The following TMEM163 variants were observed in gnomAD, a reference collection of about 807,000 sequenced individuals.
The protein encoded by TMEM163 is transmembrane protein 163.
TMEM163 carries 17 observed loss-of-function variants against 29.3 expected under a neutral mutation model. The observed-to-expected ratio is 0.58, with a 90% CI of 0.40 to 0.87. TMEM163 has a LOEUF of 0.87. TMEM163 is among the 40% of genes least tolerant of loss of function. The probability of loss-of-function intolerance (pLI) is 0.00; values close to 1 mark genes in which losing one functional copy is unlikely to be tolerated. For synonymous variants in TMEM163, 157 were observed against 160.6 expected, an observed-to-expected ratio of 0.98 and a Z score of 0.17; for missense variants, 303 against 381.5, an observed-to-expected ratio of 0.79 and a Z score of 1.71.
chr2:134,585,665 C>T (rs1681802305), intron 2 of TMEM163, among the ~76,000 whole-genome samples: 1 of 151,796 alleles, frequency 6.6e-6, no homozygotes, highest in Non-Finnish European at 1.5e-5. Context: ...TGGCGTGAAC[C>T]CGGGAGGCGG....
intron 2 of TMEM163, among the ~76,000 whole-genome samples, chr2:134,580,648 C>T (rs1452169966): frequency 6.6e-6 from 1 of 152,134 alleles, no homozygotes; most frequent in Admixed American, 6.5e-5. Context: ...GCAGTGGCTG[C>T]CACCTGGAAT....
At position 134,554,552 on chromosome 2, in the gene TMEM163, G is replaced by A. The variant is rs533510193; in HGVS notation, c.323-2461C>T. ...CACAGCTAGAAAAATCACTTCCCCC[G>A]ACTCGCTATGGCAGAAGAGCACCTG... is the stretch of plus-strand genomic sequence containing the variant. On this transcript the variant is annotated intron_variant, in intron 2 of 7. Transcript: ENST00000281924. 9.3e-5 allele frequency among the ~76,000 whole-genome samples: 14 copies of A among 150,992 alleles called. No individual in the cohort carries two copies. In the East Asian group the frequency reaches 1.6e-3, roughly 17 times the overall value.
chr2:134,646,211 A>C (rs1574305951), intron 2 of TMEM163, among the ~76,000 whole-genome samples: 1 of 151,120 alleles, frequency 6.6e-6, no homozygotes, highest in Admixed American at 6.6e-5. Context: ...CAGCCTCCCA[A>C]GTAGCTGGGA....
intron 4 of TMEM163, among the ~76,000 whole-genome samples, chr2:134,545,538 T>G (rs1167911883): frequency 2.6e-5 from 4 of 151,940 alleles, no homozygotes; most frequent in Admixed American, 2.6e-4. Flanking sequence ...CACACCTCCC[T>G]CCTGGCACTG....
intron 2 of TMEM163, among the ~76,000 whole-genome samples, chr2:134,554,622 A>G (rs1341720263): frequency 1.3e-5 from 2 of 152,070 alleles, no homozygotes; most frequent in African/African-American, 4.8e-5. Flanking sequence ...TTTCAAGTAG[A>G]CATTCACTTG....
At chr2:134,716,876 C>T (rs1002585793) in intron 1 of TMEM163, among the ~76,000 whole-genome samples, 3 of 152,196 alleles carry the variant, frequency 2.0e-5, no homozygotes, top group Non-Finnish European at 4.4e-5. Context: ...GTCACATTGA[C>T]GTTCAGCTCT....
intron 2 of TMEM163, among the ~76,000 whole-genome samples, chr2:134,711,178 C>T (rs1230122242): frequency 6.6e-6 from 1 of 152,132 alleles, no homozygotes; most frequent in Non-Finnish European, 1.5e-5. Context: ...AGTCTGGCGC[C>T]ATATAAATGA....
intron 2 of TMEM163, among the ~76,000 whole-genome samples, chr2:134,615,403 AT>A (rs1682588425): frequency 6.6e-6 from 1 of 152,232 alleles, no homozygotes; most frequent in Admixed American, 6.5e-5. Context: ...TGGATAGCTC[AT>A]TTTGAAAAGG....
intron 4 of TMEM163, among the ~76,000 whole-genome samples, chr2:134,545,696 C>T (rs1680764299): frequency 6.6e-6 from 1 of 152,174 alleles, no homozygotes; most frequent in South Asian, 2.1e-4. Flanking sequence ...CCTGGCCTCA[C>T]CCATGTCCCT....
At chr2:134,598,920 CAAAA>C (rs796382637) in intron 2 of TMEM163, among the ~76,000 whole-genome samples, 1 of 65,922 alleles carries the variant, frequency 1.5e-5, no homozygotes, top group Admixed American at 1.7e-4. Flanking sequence ...GACTCTATCT[CAAAA>C]AAAAAAAAAA....
At position 134,562,743 on chromosome 2, in the gene TMEM163, T is replaced by G. The variant is rs560121001; in HGVS notation, c.323-10652A>C. ...TCACTCAAAGAATACAAGTTAAACA[T>G]GGTGGAATACAGCCCTTTTGTCCTC... On this transcript the variant is annotated intron_variant, in intron 2 of 7. Transcript: ENST00000281924. 2.6e-5 allele frequency among the ~76,000 whole-genome samples: 4 copies of G among 152,316 alleles called. 1 individual carries two copies. In the South Asian group the frequency reaches 8.3e-4, roughly 32 times the overall value.
chr2:134,545,024 G>A (rs192648043), intron 4 of TMEM163, among the ~76,000 whole-genome samples: 4 of 151,986 alleles, frequency 2.6e-5, no homozygotes, highest in African/African-American at 7.3e-5. Flanking sequence ...AGTCTCCTTT[G>A]TATCCTTTAT....
chr2:134,595,262 A>G (rs1054846779), intron 2 of TMEM163, among the ~76,000 whole-genome samples: 4 of 148,756 alleles, frequency 2.7e-5, no homozygotes, highest in Non-Finnish European at 5.9e-5. Context: ...ATCCCTCCCC[A>G]CTCCCCCCAA....
Position 134,595,278 on chromosome 2 carries a change from C to A in TMEM163, c.323-43187G>T, listed in dbSNP as rs1211270151. Among the ~76,000 whole-genome samples the A allele has an allele frequency of 3.9e-5, 6 of 151,960 alleles. No individual in the cohort carries two copies. In the East Asian group the frequency reaches 9.7e-4, roughly 25 times the overall value. On this transcript the variant is annotated intron_variant, in intron 2 of 7. Coordinates refer to ENST00000281924, the MANE Select transcript of TMEM163 (RefSeq NM_030923.5). Reference sequence around the variant, plus strand: ...TCCCTCCCCACTCCCCCCAACCCCACAACAGGCCCTGGTGTGTGATGTTCC... The same window carrying A: ...TCCCTCCCCACTCCCCCCAACCCCAAAACAGGCCCTGGTGTGTGATGTTCC...
intron 2 of TMEM163, among the ~76,000 whole-genome samples, chr2:134,656,673 G>C (rs1182614863): frequency 6.6e-6 from 1 of 152,222 alleles, no homozygotes. Context: ...TCTTGTTCCA[G>C]TTCTCAAGGG....
intron 4 of TMEM163, among the ~76,000 whole-genome samples, chr2:134,544,579 G>C (rs1412141365): frequency 2.0e-5 from 3 of 151,990 alleles, no homozygotes; most frequent in South Asian, 4.2e-4. Context: ...AGATCACCTG[G>C]GGTCAAGAGT....
chr2:134,605,668 G>C (rs1682338815), intron 2 of TMEM163, among the ~76,000 whole-genome samples: 1 of 150,630 alleles, frequency 6.6e-6, no homozygotes, highest in South Asian at 2.2e-4. Context: ...CCTGGGTGAT[G>C]AGAATGAAAT....
chr2:134,655,835 G>T (rs1395894434), intron 2 of TMEM163, among the ~76,000 whole-genome samples: 2 of 141,564 alleles, frequency 1.4e-5, no homozygotes, highest in African/African-American at 2.9e-5. Flanking sequence ...CCCCTGCTGG[G>T]GGGTGCCTCC....
intron 4 of TMEM163, among the ~76,000 whole-genome samples, chr2:134,514,890 G>A (rs746308340): frequency 3.3e-5 from 5 of 152,286 alleles, no homozygotes; most frequent in Non-Finnish European, 7.3e-5. Flanking sequence ...CCTAGGAGAG[G>A]AGCTATTCCT....
Sources: gnomAD v4.1 joint callset for allele counts (sites outside exome capture counted in the v4.1 genomes callset) on GRCh38, gnomAD v4.1.1 for gene constraint, MANE v1.5 for transcripts, NCBI Gene and HGNC (gene_info 2026-07-23, HGNC 2026-07-21) for gene names.